ZNF273: variants seen among roughly 807,000 people sequenced by gnomAD.
The protein encoded by ZNF273 is zinc finger protein 273.
A neutral mutation model predicts 14.9 loss-of-function variants in ZNF273; 11 were observed. The observed-to-expected ratio is 0.74, with a 90% CI of 0.46 to 1.22. The LOEUF is 1.22. ZNF273 is among the 50% of genes most tolerant of loss of function. ZNF273 has a pLI of 0.00. For synonymous variants in ZNF273, 199 were observed against 223.9 expected (o/e 0.89, Z 0.99); for missense variants, 577 against 660.6 (o/e 0.87, Z 1.39).
chr7:64,892,966 C>A (rs1235013075), downstream of ZNF273, among the ~76,000 whole-genome samples: 1 of 152,136 alleles, frequency 6.6e-6, no homozygotes, highest in Non-Finnish European at 1.5e-5. Context: ...ACAACAACAA[C>A]AAAAATGGAG....
intron 3 of ZNF273, among the ~76,000 whole-genome samples, chr7:64,895,513 A>T (rs1488554074): frequency 6.6e-6 from 1 of 152,174 alleles, no homozygotes; most frequent in Non-Finnish European, 1.5e-5. Flanking sequence ...ATAGTCTTTG[A>T]ATGAAATTTT....
At chr7:64,895,286 T>A (rs1341187587) in intron 3 of ZNF273, among the ~76,000 whole-genome samples, 1 of 152,274 alleles carries the variant, frequency 6.6e-6, no homozygotes. Flanking sequence ...CAAAAATTTT[T>A]AGTTTAACCT....
downstream of ZNF273, chr7:64,888,934 T>C (rs751772401): frequency 1.1e-4 from 106 of 982,330 alleles, no homozygotes; most frequent in Non-Finnish European, 1.2e-4. Flanking sequence ...AAAACTCTGG[T>C]GGAGCCCAGG....
downstream of ZNF273, among the ~76,000 whole-genome samples, chr7:64,891,949 G>A (rs116365596): frequency 0.049 from 7,448 of 152,222 alleles, 562 homozygotes; most frequent in African/African-American, 0.16. Context: ...TGTGCCTTAG[G>A]AAGCTCCATG....
At chr7:64,922,443 C>G (rs1794539734) in intron 3 of ZNF273, among the ~76,000 whole-genome samples, 1 of 151,954 alleles carries the variant, frequency 6.6e-6, no homozygotes, top group South Asian at 2.1e-4. Flanking sequence ...ATTCTCCTTC[C>G]TCAGCCTCCT....
downstream of ZNF273, among the ~76,000 whole-genome samples, chr7:64,883,321 G>C (rs116686816): frequency 4.7e-3 from 708 of 151,798 alleles, 11 homozygotes; most frequent in African/African-American, 0.016. Flanking sequence ...CCCAGGGCCA[G>C]ACCCTAGCAG....
chr7:64,887,349 T>TGAGA (rs10695255), intron 1 of ZNF273, among the ~76,000 whole-genome samples: 47,519 of 151,880 alleles, frequency 0.31, 8,412 homozygotes, highest in Non-Finnish European at 0.38. Context: ...CTCATGATCA[T>TGAGA]CTCCTTCCAC....
intron 1 of ZNF273, among the ~76,000 whole-genome samples, chr7:64,885,470 T>A (rs1332762035): frequency 6.6e-6 from 1 of 152,252 alleles, no homozygotes; most frequent in Non-Finnish European, 1.5e-5. Flanking sequence ...ACCTGTCCTG[T>A]GGGAAAGTCC....
upstream of ZNF273, among the ~76,000 whole-genome samples, chr7:64,900,595 A>AT (rs1398591822): frequency 6.6e-6 from 1 of 152,138 alleles, no homozygotes; most frequent in Non-Finnish European, 1.5e-5. Flanking sequence ...TTTCCTCACC[A>AT]TTGAACGTTA....
chr7:64,888,207 G>GGCTGCT (rs78723265), intron 1 of ZNF273: 3 of 784,196 alleles, frequency 3.8e-6, no homozygotes, highest in Non-Finnish European at 3.1e-6. Flanking sequence ...CCTGAAGCCT[G>GGCTGCT]GCTGCTGCTG....
downstream of ZNF273, among the ~76,000 whole-genome samples, chr7:64,881,706 C>G (rs1432184194): frequency 6.6e-6 from 1 of 152,186 alleles, no homozygotes; most frequent in Non-Finnish European, 1.5e-5. Flanking sequence ...AGTAGGCTGA[C>G]TTCACTCCAG....
At chr7:64,905,778 A>C (rs1793075188) in intron 1 of ZNF273, among the ~76,000 whole-genome samples, 1 of 152,168 alleles carries the variant, frequency 6.6e-6, no homozygotes, top group Non-Finnish European at 1.5e-5. Context: ...ACTTGACACG[A>C]GTCAAACACA....
chr7:64,936,526 T>C, the ZNF273 span, among the ~76,000 whole-genome samples: 3 of 152,172 alleles, frequency 2.0e-5, no homozygotes, highest in Admixed American at 1.3e-4. Flanking sequence ...ATAATAAAAT[T>C]TGATGTATCC....
intron 1 of ZNF273, among the ~76,000 whole-genome samples, chr7:64,909,888 C>A (rs1294211838): frequency 6.6e-6 from 1 of 151,672 alleles, no homozygotes. Flanking sequence ...GCCATTCTGA[C>A]TGGTATGAGA....
At chr7:64,895,052 A>G (rs1792283701) in intron 3 of ZNF273, among the ~76,000 whole-genome samples, 1 of 151,996 alleles carries the variant, frequency 6.6e-6, no homozygotes, top group South Asian at 2.1e-4. Flanking sequence ...CAGGAGAATC[A>G]CTTGAACCCA....
At chr7:64,931,523 GTTATA>G (rs1162941202), downstream of ZNF273, among the ~76,000 whole-genome samples, 9 of 152,096 alleles carry the variant, frequency 5.9e-5, no homozygotes, top group Admixed American at 5.9e-4. Context: ...AGTCTATTAA[GTTATA>G]TTTTATTTAT....
At chr7:64,890,843 G>A (rs867705699), downstream of ZNF273, among the ~76,000 whole-genome samples, 1 of 152,216 alleles carries the variant, frequency 6.6e-6, no homozygotes, top group Admixed American at 6.5e-5. Context: ...AGTGGCTGAG[G>A]TGAGACAAGA....
chr7:64,936,497 AAC>A, the ZNF273 span, among the ~76,000 whole-genome samples: 1 of 152,214 alleles, frequency 6.6e-6, no homozygotes, highest in African/African-American at 2.4e-5. Flanking sequence ...GAACATGGTT[AAC>A]ACACTTTTAC....
chr7:64,928,331 A>T lies in ZNF273; in HGVS notation c.1003A>T (p.Lys335Ter). Residue 335 changes from lysine to a stop codon, truncating the protein, a stop_gained, in exon 4 of 4, where the codon AAA (lysine) becomes TAA (stop). Transcript: ENST00000476120. LOFTEE classifies it low-confidence loss of function (END_TRUNC). The part of the protein sequence containing the change: ...KGFSIFSTLT[K>*]HKIIHTGEKP... Reference sequence around the variant, plus strand: ...CTTTAGTATATTCTCAACCCTTACTAAACATAAGATAATTCATACTGGAGA... The same window carrying T: ...CTTTAGTATATTCTCAACCCTTACTTAACATAAGATAATTCATACTGGAGA... The T allele has an allele frequency of 6.2e-7, 1 of 1,613,660 alleles. No individual in the cohort carries two copies. The highest frequency in any genetic ancestry group is 8.5e-7 in the Non-Finnish European group (1 of 1,179,812).
Sources: allele counts gnomAD v4.1 joint callset (sites outside exome capture counted in the v4.1 genomes callset), GRCh38; gene constraint gnomAD v4.1.1; transcripts MANE v1.5; gene names NCBI Gene and HGNC (gene_info 2026-07-23, HGNC 2026-07-21).